The following EDDM3B variants were observed in gnomAD, a reference collection of about 807,000 sequenced individuals.
EDDM3B encodes the protein epididymal protein 3B, also known as epididymal secretory protein E3-beta.
For missense variants in EDDM3B, 189 were observed against 178.3 expected, an observed-to-expected ratio of 1.06 and a Z score of -0.34; for synonymous variants, 71 against 59.1, an observed-to-expected ratio of 1.20 and a Z score of -0.92.
intron 1 of EDDM3B, 90 bp downstream of exon 1, chr14:20,768,596 A>T (rs1360337930): frequency 6.6e-6 from 1 of 152,274 alleles, no homozygotes; most frequent in Non-Finnish European, 1.5e-5. Context: ...ACAATGGAGA[A>T]GGATCCAAAT....
chr14:20,770,534 C>T lies in EDDM3B; in HGVS notation c.384C>T (p.Ser128=), dbSNP rs768748804. The T allele has an allele frequency of 3.7e-6, 6 of 1,614,086 alleles. No homozygotes were observed. The highest frequency in any genetic ancestry group is 1.1e-5 in the South Asian group (1 of 91,068). Residue 128 remains serine, a synonymous_variant, in exon 2 of 2, where the codon AGC becomes AGT. Coordinates refer to ENST00000326783, the MANE Select transcript of EDDM3B (RefSeq NM_022360.5). ...TCAACTACATTGAATTCCATTGTAG[C>T]ATGGACGGGTATGTTGATAGCATAG... is the stretch of plus-strand genomic sequence containing the variant. The part of the protein sequence containing the change: ...RSFNYIEFHC[S]MDGYVDSIED...
intron 1 of EDDM3B, among the ~76,000 whole-genome samples, 170 bp from the exon 2 acceptor site, chr14:20,769,963 T>A (rs1878286423): frequency 6.6e-6 from 1 of 152,206 alleles, no homozygotes; most frequent in African/African-American, 2.4e-5. Flanking sequence ...GTGTTTTTAG[T>A]TCTTAGAAAC....
rs913976686 is a variant in EDDM3B, at chr14:20,770,680, T to G, written c.*86T>G. ...CTGCCTCCATCAATAGTCCTACCACTCCCCTCTTGCATTTATTTGTCAATG... is the reference window on the plus strand; with the variant it reads ...CTGCCTCCATCAATAGTCCTACCACGCCCCTCTTGCATTTATTTGTCAATG... On this transcript the variant is annotated 3_prime_UTR_variant, in exon 2 of 2. Transcript: ENST00000326783. 9.8e-7 allele frequency: 1 copy of G among 1,015,868 alleles called. No homozygotes were observed. The highest frequency in any genetic ancestry group is 1.5e-6 in the Non-Finnish European group (1 of 688,652). The allele number at this position is 1,015,868 out of a possible 1,614,324, so 62.9% of individuals were successfully genotyped here.
In EDDM3B at chr14:20,768,757, A is replaced by G. The variant is rs181896867; in HGVS notation, c.-19+251A>G. ...CTTCTATCCTCTGTAGGTCTTTATC[A>G]TCAGGACAGGGTTCCACAGATAGGA... is the stretch of plus-strand genomic sequence containing the variant. On this transcript the variant is annotated intron_variant, in intron 1 of 1. Coordinates refer to ENST00000326783, the MANE Select transcript of EDDM3B (RefSeq NM_022360.5). 4.4e-3 allele frequency among the ~76,000 whole-genome samples: 664 copies of G among 152,272 alleles called. 4 individuals are homozygous for G. The highest frequency in any genetic ancestry group is 0.013 in the South Asian group (61 of 4,824).
Position 20,770,170 on chromosome 14 carries a change from T to C in EDDM3B, c.20T>C (p.Ile7Thr). The change falls in exon 2 of 2, where the codon ATC becomes ACC. Residue 7 changes from isoleucine to threonine, a missense_variant. Ile to Thr is a moderately conservative substitution (Grantham distance 89). Coordinates refer to ENST00000326783, the MANE Select transcript of EDDM3B (RefSeq NM_022360.5). MASSLK[I>T]WGTLLALLCI... The stretch of plus-strand genomic sequence containing the variant: ...ACTGAGATGGCATCGTCTCTAAAGA[T>C]CTGGGGCACACTCTTGGCCCTACTT... The C allele has an allele frequency of 6.2e-7, 1 of 1,612,226 alleles. No homozygotes were observed. Among genetic ancestry groups the C allele is most frequent in the South Asian group, 1.1e-5 (1 of 90,916 alleles).
Position 20,770,396 on chromosome 14 carries a change from T to A in EDDM3B, c.246T>A (p.Ser82Arg). ...SWYKIEHICT[S>R]DNWMDRFRNA... is the part of the protein sequence containing the mutation. Reference sequence around the variant, plus strand: ...ACAAAATCGAGCATATATGCACTAGTGACAACTGGATGGATCGCTTCCGAA... The same window carrying A: ...ACAAAATCGAGCATATATGCACTAGAGACAACTGGATGGATCGCTTCCGAA... Residue 82 changes from serine (S) to arginine (R), a missense_variant, in exon 2 of 2, where the codon AGT becomes AGA. Coordinates refer to ENST00000326783, the MANE Select transcript of EDDM3B (RefSeq NM_022360.5). The A allele has an allele frequency of 6.2e-7, 1 of 1,614,176 alleles. No homozygotes were observed. Among genetic ancestry groups the A allele is most frequent in the Non-Finnish European group, 8.5e-7 (1 of 1,180,022 alleles).
Position 20,770,154 on chromosome 14 carries a change from G to A in EDDM3B, c.4G>A (p.Ala2Thr). 6.2e-7 allele frequency: 1 copy of A among 1,604,220 alleles called. No individual in the cohort carries two copies. Among genetic ancestry groups the A allele is most frequent in the South Asian group, 1.1e-5 (1 of 90,016 alleles). M[A>T]SSLKIWGTLL... Reference sequence around the variant, plus strand: ...GCAGGCGGCCCCGGTGACTGAGATGGCATCGTCTCTAAAGATCTGGGGCAC... The same window carrying A: ...GCAGGCGGCCCCGGTGACTGAGATGACATCGTCTCTAAAGATCTGGGGCAC... Residue 2 changes from alanine to threonine, a missense_variant, in exon 2 of 2, where the codon GCA becomes ACA. Physicochemically the swap from Ala to Thr is moderately conservative, Grantham distance 58. Coordinates refer to ENST00000326783, the MANE Select transcript of EDDM3B (RefSeq NM_022360.5).
In EDDM3B at chr14:20,770,583, A is replaced by G; in HGVS notation, c.433A>G (p.Ile145Val). The G allele has an allele frequency of 1.2e-6, 2 of 1,610,188 alleles. No individual in the cohort carries two copies. Among genetic ancestry groups the G allele is most frequent in the Non-Finnish European group, 1.7e-6 (2 of 1,177,940 alleles). The change falls in exon 2 of 2, where the codon ATC becomes GTC. Residue 145 changes from isoleucine (I) to valine (V), a missense_variant. Transcript: ENST00000326783. ...SIEDLKMVEPIGN is the reference protein window; with the variant it reads ...SIEDLKMVEPVGN ...AGAAGACCTAAAGATGGTAGAACCT[A>G]TCGGCAACTAGAAAGTCTATGCACA... is the stretch of plus-strand genomic sequence containing the variant.
intron 1 of EDDM3B, among the ~76,000 whole-genome samples, chr14:20,768,788 C>A (rs726935): frequency 0.16 from 24,651 of 152,070 alleles, 2,911 homozygotes; most frequent in African/African-American, 0.34. Flanking sequence ...TAGGAAGTAC[C>A]GACCCTTTGT....
At position 20,770,742 on chromosome 14, in the gene EDDM3B, C is replaced by A. The variant is rs1231506733; in HGVS notation, c.*148C>A. The A allele has an allele frequency of 7.6e-6, 5 of 658,374 alleles. No homozygotes were observed. Among genetic ancestry groups the A allele is most frequent in the Middle Eastern group, 4.3e-4 (1 of 2,352 alleles). The allele number at this position is 658,374 out of a possible 1,614,324, so 40.8% of individuals were successfully genotyped here. Reference sequence around the variant, plus strand: ...CTTAGAGTTATGAATAGCATAATTTCTTGATACCATAACTTTGCCTGTGTT... The same window carrying A: ...CTTAGAGTTATGAATAGCATAATTTATTGATACCATAACTTTGCCTGTGTT... On this transcript the variant is annotated 3_prime_UTR_variant, in exon 2 of 2. Transcript: ENST00000326783.
Position 20,770,630 on chromosome 14 carries a change from T to G in EDDM3B, c.*36T>G, listed in dbSNP as rs1398214841. ...CACATCCTCAGGTATTGGTAGAGTA[T>G]TCAGTGCTTTCTAAGTAGCAGCCCC... On this transcript the variant is annotated 3_prime_UTR_variant, in exon 2 of 2. Transcript: ENST00000326783. 3 of 1,541,114 alleles carry G rather than the reference T, an allele frequency of 1.9e-6. No homozygotes were observed. The African/African-American group carries it at 4.1e-5, about 21-fold the overall frequency.
chr14:20,769,805 G>A (rs1333579218), intron 1 of EDDM3B, among the ~76,000 whole-genome samples: 1 of 152,216 alleles, frequency 6.6e-6, no homozygotes, highest in Non-Finnish European at 1.5e-5. Flanking sequence ...GATCTCCTGA[G>A]AGTTGGTCTG....
In EDDM3B at chr14:20,770,581, C is replaced by G. The variant is rs745614019; in HGVS notation, c.431C>G (p.Pro144Arg). 1.9e-6 allele frequency: 3 copies of G among 1,610,004 alleles called. No homozygotes were observed. The highest frequency in any genetic ancestry group is 2.7e-5 in the African/African-American group (2 of 74,740). Residue 144 changes from proline to arginine, a missense_variant, in exon 2 of 2, where the codon CCT becomes CGT. Coordinates refer to ENST00000326783, the MANE Select transcript of EDDM3B (RefSeq NM_022360.5). Reference sequence around the variant, plus strand: ...ATAGAAGACCTAAAGATGGTAGAACCTATCGGCAACTAGAAAGTCTATGCA... The same window carrying G: ...ATAGAAGACCTAAAGATGGTAGAACGTATCGGCAACTAGAAAGTCTATGCA... Reference protein sequence around the residue: ...DSIEDLKMVEPIGN With the variant: ...DSIEDLKMVERIGN
intron 1 of EDDM3B, among the ~76,000 whole-genome samples, chr14:20,768,900 C>T (rs1878251210): frequency 6.6e-6 from 1 of 152,196 alleles, no homozygotes; most frequent in Non-Finnish European, 1.5e-5. Context: ...TTAAGTCCAT[C>T]TGAGGACACC....
chr14:20,770,128 C>A lies in EDDM3B; in HGVS notation c.-18-5C>A. On this transcript the variant is annotated splice_region_variant and splice_polypyrimidine_tract_variant and intron_variant, in intron 1 of 1. Transcript: ENST00000326783. ...CTTTTCTTTCTCTTCTCTGTGGACACGCAGGCGGCCCCGGTGACTGAGATG... is the reference window on the plus strand; with the variant it reads ...CTTTTCTTTCTCTTCTCTGTGGACAAGCAGGCGGCCCCGGTGACTGAGATG... 6.3e-7 allele frequency: 1 copy of A among 1,582,756 alleles called. No homozygotes were observed. Among genetic ancestry groups the A allele is most frequent in the Non-Finnish European group, 8.6e-7 (1 of 1,163,834 alleles).
rs756095732 is a variant in EDDM3B at position 20,770,489 on chromosome 14, C to G, written c.339C>G (p.Ser113Arg). 47 of 1,614,018 alleles carry G rather than the reference C, an allele frequency of 2.9e-5. 1 individual carries two copies. In the South Asian group the frequency reaches 4.8e-4, roughly 17 times the overall value. ...GTCACCAGGAGAATTCCAAAAATAG[C>G]TACACAGAGAGCAGGAGCTTCAACT... ...LKCHQENSKN[S>R]YTESRSFNYI... The change falls in exon 2 of 2, where the codon AGC becomes AGG. Residue 113 changes from serine to arginine, a missense_variant. Physicochemically the swap from Ser to Arg is moderately radical, Grantham distance 110. Coordinates refer to ENST00000326783, the MANE Select transcript of EDDM3B (RefSeq NM_022360.5).
intron 1 of EDDM3B, 26 bp from the exon 2 acceptor site, chr14:20,770,107 T>A (rs1878292574): frequency 2.0e-6 from 3 of 1,534,268 alleles, no homozygotes; most frequent in Non-Finnish European, 2.6e-6. Context: ...ATAATGCTTT[T>A]CTTTCTCTTC....
chr14:20,769,843 T>G (rs1202302826), intron 1 of EDDM3B, among the ~76,000 whole-genome samples: 1 of 152,208 alleles, frequency 6.6e-6, no homozygotes, highest in Non-Finnish European at 1.5e-5. Flanking sequence ...GGAGGGTGAT[T>G]GGCTCCTCAG....
At position 20,770,217 on chromosome 14, in the gene EDDM3B, G is replaced by C; in HGVS notation, c.67G>C (p.Val23Leu). ...ALLCILCTLL[V>L]QSKEVSWREF... ...ACTTTGCATCCTATGCACACTGCTTGTACAGAGCAAAGAAGTTTCTTGGAG... is the reference window on the plus strand; with the variant it reads ...ACTTTGCATCCTATGCACACTGCTTCTACAGAGCAAAGAAGTTTCTTGGAG... The change falls in exon 2 of 2, where the codon GTA becomes CTA. Residue 23 changes from valine to leucine, a missense_variant. By Grantham distance (32) the Val-to-Leu change is conservative. Coordinates refer to ENST00000326783, the MANE Select transcript of EDDM3B (RefSeq NM_022360.5). The C allele has an allele frequency of 3.1e-6, 5 of 1,614,156 alleles. No individual in the cohort carries two copies. Among genetic ancestry groups the C allele is most frequent in the Non-Finnish European group, 3.4e-6 (4 of 1,180,032 alleles).
Sources: gnomAD v4.1 joint callset for allele counts (sites outside exome capture counted in the v4.1 genomes callset) on GRCh38, gnomAD v4.1.1 for gene constraint, MANE v1.5 for transcripts, NCBI Gene and HGNC (gene_info 2026-07-23, HGNC 2026-07-21) for gene names.